RAB37: variants seen among roughly 807,000 people sequenced by gnomAD.
RAB37 encodes ras-related protein Rab-37.
In RAB37, 29 loss-of-function variants were observed where a neutral mutation model predicts 33.1. The observed-to-expected ratio is 0.88, with a 90% CI of 0.65 to 1.20. The LOEUF is 1.20. Ranked by LOEUF, RAB37 falls within the 50% of genes most tolerant of loss-of-function variation. The pLI is 0.00. For missense variants in RAB37, 299 were observed against 301.1 expected (o/e 0.99, Z 0.05); for synonymous variants, 128 against 119.5 (o/e 1.07, Z -0.47).
rs141814705 is a variant in RAB37, at chr17:74,723,240, C to T, written c.73-6016C>T. ...AATGTCAGACAAGTACCATACACCC[C>T]ACCTGGTTTTCCCCTTTGCCTTGAT... On this transcript the variant is annotated intron_variant, in intron 1 of 7. Coordinates refer to the RAB37 transcript ENST00000340415. 7.2e-5 allele frequency among the ~76,000 whole-genome samples: 11 copies of T among 152,320 alleles called. No homozygotes were observed. The East Asian group carries it at 1.5e-3, about 21-fold the overall frequency.
intron 1 of RAB37, 118 bp downstream of exon 1, chr17:74,737,483 A>G (rs1363910241): frequency 2.6e-6 from 3 of 1,168,088 alleles, no homozygotes; most frequent in Non-Finnish European, 3.6e-6. Context: ...GGAGGGAGGG[A>G]GAGAGGGTCA....
chr17:74,713,025 G>T (rs1231555261), intron 1 of RAB37: 12 of 749,540 alleles, frequency 1.6e-5, no homozygotes, highest in Non-Finnish European at 1.9e-5. Flanking sequence ...GGAGGTGGTT[G>T]GTTGGGCACC....
At chr17:74,735,172 A>AAGGG (rs1208615921), upstream of RAB37, among the ~76,000 whole-genome samples, 1 of 136,932 alleles carries the variant, frequency 7.3e-6, no homozygotes, top group East Asian at 2.4e-4. Flanking sequence ...AGAAGGAAGG[A>AAGGG]AGGGAGGGAG....
rs1356150890 is a variant in RAB37, at chr17:74,738,119, G to A, written c.93+754G>A. 6.6e-6 allele frequency among the ~76,000 whole-genome samples: 1 copy of A among 152,170 alleles called. No homozygotes were observed. The highest frequency in any genetic ancestry group is 2.4e-5 in the African/African-American group (1 of 41,442). ...CGCCTTCCATCTGTGTCCTTGGAGT[G>A]AGCGGGTACCAGAAACTGAAAGAAC... is the stretch of plus-strand genomic sequence containing the variant. On this transcript the variant is annotated intron_variant, in intron 1 of 8. Coordinates refer to ENST00000392613, the MANE Select transcript of RAB37 (RefSeq NM_001006638.3). This position sits in a 1 kb window ranked among gnomAD's most constrained non-coding sequence, Gnocchi z 5.0.
chr17:74,692,460 TG>T (rs1242075382), intron 1 of RAB37, among the ~76,000 whole-genome samples: 2 of 152,090 alleles, frequency 1.3e-5, no homozygotes, highest in Non-Finnish European at 2.9e-5. Flanking sequence ...CAGATGCCCT[TG>T]GGGTGTCCAT....
chr17:74,701,973 G>A (rs770137789), intron 1 of RAB37, among the ~76,000 whole-genome samples: 6 of 151,738 alleles, frequency 4.0e-5, no homozygotes, highest in Non-Finnish European at 7.4e-5. Context: ...AGTGAGCCAA[G>A]ATGGCACCAT....
chr17:74,706,345 T>TC (rs1474818910), intron 1 of RAB37, among the ~76,000 whole-genome samples: 1 of 144,112 alleles, frequency 6.9e-6, no homozygotes, highest in Non-Finnish European at 1.5e-5. Context: ...TGCCTGGCCT[T>TC]TTTTTTTTTT....
intron 1 of RAB37, among the ~76,000 whole-genome samples, chr17:74,678,226 C>T (rs1309603800): frequency 6.6e-6 from 1 of 152,144 alleles, no homozygotes; most frequent in African/African-American, 2.4e-5. Flanking sequence ...CTGGGAGTGG[C>T]CCTGGACATC....
At chr17:74,679,761 T>G (rs1415787632) in intron 1 of RAB37, among the ~76,000 whole-genome samples, 1 of 151,980 alleles carries the variant, frequency 6.6e-6, no homozygotes, top group Non-Finnish European at 1.5e-5. Flanking sequence ...GGGCAGATCA[T>G]GAGGTCAGTA....
intron 1 of RAB37, among the ~76,000 whole-genome samples, chr17:74,681,778 G>A (rs1461834602): frequency 1.3e-5 from 2 of 152,020 alleles, no homozygotes; most frequent in Non-Finnish European, 2.9e-5. Context: ...CACCTGTCCT[G>A]TTCACCACTG....
At chr17:74,678,075 T>C (rs2031878578) in intron 1 of RAB37, among the ~76,000 whole-genome samples, 1 of 152,196 alleles carries the variant, frequency 6.6e-6, no homozygotes, top group Non-Finnish European at 1.5e-5. Flanking sequence ...AGTGGGCATT[T>C]GAAGTGGCTC....
At chr17:74,709,097 G>C (rs1431367252) in intron 1 of RAB37, among the ~76,000 whole-genome samples, 1 of 151,406 alleles carries the variant, frequency 6.6e-6, no homozygotes, top group African/African-American at 2.4e-5. Flanking sequence ...GGTGGCGGGC[G>C]CCTGTAGTCC....
upstream of RAB37, chr17:74,736,820 G>C (rs984320363): frequency 1.3e-6 from 2 of 1,534,288 alleles, no homozygotes; most frequent in African/African-American, 2.7e-5. Flanking sequence ...GGCCATCGGC[G>C]GAGGCGCAGC....
In RAB37 at chr17:74,740,871, AC is replaced by A. The variant is rs764722952; in HGVS notation, c.198del (p.Phe67SerfsTer6). On this transcript the variant is annotated frameshift_variant, in exon 2 of 9. Coordinates refer to ENST00000392613, the MANE Select transcript of RAB37 (RefSeq NM_001006638.3). LOFTEE classifies it high-confidence loss of function. ...SGTFIATVGI[D>X]FRNKVVTVDG... is the part of the protein sequence containing the mutation. Reference sequence around the variant, plus strand: ...ACCTTCATAGCCACCGTCGGCATAGACTTCAGGGTGAGGTGGCTGCAGGCAC... The same window carrying A: ...ACCTTCATAGCCACCGTCGGCATAGATTCAGGGTGAGGTGGCTGCAGGCAC... 1.2e-6 allele frequency: 2 copies of A among 1,610,182 alleles called. No individual in the cohort carries two copies. Among genetic ancestry groups the A allele is most frequent in the South Asian group, 2.2e-5 (2 of 91,006 alleles).
At chr17:74,705,647 A>C (rs2033444594) in intron 1 of RAB37, among the ~76,000 whole-genome samples, 1 of 151,890 alleles carries the variant, frequency 6.6e-6, no homozygotes, top group Non-Finnish European at 1.5e-5. Context: ...ACAGTGGCAC[A>C]ATCATGGCTC....
At position 74,738,509 on chromosome 17, in the gene RAB37, C is replaced by G. The variant is rs2034534161; in HGVS notation, c.93+1144C>G. On this transcript the variant is annotated intron_variant, in intron 1 of 8. Transcript: ENST00000392613. The surrounding 1 kb of genome is among the most constrained non-coding windows in gnomAD (Gnocchi z 5.0). The stretch of plus-strand genomic sequence containing the variant: ...GCTGGGTTGTTTGCCTAGGAGGTGG[C>G]CAGGCTAGGCAGCTGTTTGTGTTTG... 6.6e-6 allele frequency among the ~76,000 whole-genome samples: 1 copy of G among 152,144 alleles called. No individual in the cohort carries two copies. Among genetic ancestry groups the G allele is most frequent in the African/African-American group, 2.4e-5 (1 of 41,426 alleles).
rs1175574471 is a variant in RAB37, at chr17:74,729,113, TTGTGTGTGTGTGTTTCTG to T, written c.73-130_73-113del. The T allele has an allele frequency of 3.1e-5, 21 of 670,884 alleles. No homozygotes were observed. The highest frequency in any genetic ancestry group is 5.0e-5 in the Non-Finnish European group (18 of 359,468). The allele number at this position is 670,884 out of a possible 1,614,324, so 41.6% of individuals were successfully genotyped here. ...ATGTCTGTATGTGTGTGTCAGTGTC[TTGTGTGTGTGTGTTTCTG>T]TGTGTGTGTGTGCATGTTGTGCACA... On this transcript the variant is annotated intron_variant, in intron 1 of 7. Coordinates refer to the RAB37 transcript ENST00000340415. The surrounding 1 kb of genome is among the most constrained non-coding windows in gnomAD (Gnocchi z 4.2).
chr17:74,728,984 G>T (rs1208857154), intron 1 of RAB37, among the ~76,000 whole-genome samples: 1 of 151,700 alleles, frequency 6.6e-6, no homozygotes, highest in Non-Finnish European at 1.5e-5. Context: ...GTACGTGTAT[G>T]TGTGTGCTTC....
At chr17:74,695,439 C>T (rs887283883) in intron 1 of RAB37, among the ~76,000 whole-genome samples, 1 of 152,176 alleles carries the variant, frequency 6.6e-6, no homozygotes, top group South Asian at 2.1e-4. Context: ...AGATTCTCCC[C>T]CAACCCTGCA....
Sources: gnomAD v4.1 joint callset for allele counts (sites outside exome capture counted in the v4.1 genomes callset) on GRCh38, gnomAD v4.1.1 for gene constraint, Gnocchi (gnomAD v3.1) non-coding constraint, MANE v1.5 for transcripts, NCBI Gene and HGNC (gene_info 2026-07-23, HGNC 2026-07-21) for gene names.